Variants in FHIT observed in about 807,000 individuals in gnomAD.
The protein encoded by FHIT is fragile histidine triad diadenosine triphosphatase.
A neutral mutation model predicts 17.9 loss-of-function variants in FHIT; 19 were observed. The ratio of observed to expected loss-of-function variants is 1.06; its 90% CI spans 0.74 to 1.56. The LOEUF is 1.56. FHIT is among the 40% of genes most tolerant of loss of function. FHIT has a pLI of 0.00. For synonymous variants in FHIT, 81 were observed against 69.7 expected, an observed-to-expected ratio of 1.16 and a Z score of -0.81; for missense variants, 248 against 189.2, an observed-to-expected ratio of 1.31 and a Z score of -1.82.
chr3:61,209,527 T>A (rs555889863), intron 1 of FHIT, among the ~76,000 whole-genome samples: 9 of 152,022 alleles, frequency 5.9e-5, no homozygotes, highest in South Asian at 2.1e-4. Flanking sequence ...TTTTTATTAT[T>A]TTTTTTCTAA....
intron 5 of FHIT, among the ~76,000 whole-genome samples, chr3:60,112,004 C>T (rs373008141): frequency 1.6e-4 from 24 of 152,222 alleles, no homozygotes; most frequent in African/African-American, 5.1e-4. Flanking sequence ...CCAACTAAAA[C>T]GGGCATAAAC....
intron 4 of FHIT, among the ~76,000 whole-genome samples, chr3:60,559,428 A>G (rs942400218): frequency 2.0e-5 from 3 of 152,284 alleles, no homozygotes; most frequent in African/African-American, 2.4e-5. Flanking sequence ...TAAATTCCCT[A>G]AAGATATTTT....
At chr3:60,912,093 T>C (rs1174801498) in intron 3 of FHIT, among the ~76,000 whole-genome samples, 1 of 151,898 alleles carries the variant, frequency 6.6e-6, no homozygotes, top group Admixed American at 6.6e-5. Flanking sequence ...ATATTTCAGG[T>C]ACCTCTGTCA....
chr3:60,228,063 A>G (rs1704301467), intron 5 of FHIT, among the ~76,000 whole-genome samples: 2 of 152,164 alleles, frequency 1.3e-5, no homozygotes, highest in South Asian at 4.1e-4. Context: ...ATAAACATAA[A>G]AACAGATGAC....
chr3:60,060,353 G>A (rs1013219525), intron 5 of FHIT, among the ~76,000 whole-genome samples: 1 of 152,058 alleles, frequency 6.6e-6, no homozygotes, highest in African/African-American at 2.4e-5. Flanking sequence ...GACTAACTAA[G>A]GATCACTAAA....
intron 2 of FHIT, among the ~76,000 whole-genome samples, chr3:61,189,405 T>G (rs1212068564): frequency 6.6e-6 from 1 of 152,102 alleles, no homozygotes; most frequent in African/African-American, 2.4e-5. Context: ...GAAGGAGAAC[T>G]ACAAACCACT....
intron 3 of FHIT, among the ~76,000 whole-genome samples, chr3:60,861,974 C>G (rs1261928351): frequency 5.4e-5 from 8 of 148,970 alleles, no homozygotes; most frequent in African/African-American, 9.9e-5. Flanking sequence ...GGTTTGATCA[C>G]TTTGGTAACC....
chr3:60,046,025 A>G (rs1269347157), intron 5 of FHIT, among the ~76,000 whole-genome samples: 2 of 152,200 alleles, frequency 1.3e-5, no homozygotes, highest in African/African-American at 4.8e-5. Flanking sequence ...TTTTTCTTCC[A>G]TCACTAATGA....
chr3:60,871,378 G>T (rs1484846765), intron 3 of FHIT, among the ~76,000 whole-genome samples: 2 of 151,876 alleles, frequency 1.3e-5, no homozygotes, highest in Admixed American at 6.6e-5. Context: ...TCCTAATCAG[G>T]CTTTCTACTA....
intron 8 of FHIT, among the ~76,000 whole-genome samples, chr3:59,889,703 T>A (rs978901130): frequency 5.9e-5 from 9 of 152,234 alleles, no homozygotes; most frequent in Non-Finnish European, 1.0e-4. Context: ...GTTTCTTTTT[T>A]ACGTAAGGTC....
At chr3:60,868,509 T>C (rs1429286206) in intron 3 of FHIT, among the ~76,000 whole-genome samples, 5 of 152,116 alleles carry the variant, frequency 3.3e-5, no homozygotes, top group African/African-American at 1.2e-4. Context: ...AAACAACCAA[T>C]AAGAATCAGA....
chr3:60,954,378 T>A (rs1197424449), intron 3 of FHIT, among the ~76,000 whole-genome samples: 1 of 152,194 alleles, frequency 6.6e-6, no homozygotes, highest in Non-Finnish European at 1.5e-5. Flanking sequence ...CATTCATAAA[T>A]GACGAACAAG....
At chr3:59,793,276 G>A (rs192813276) in intron 8 of FHIT, among the ~76,000 whole-genome samples, 20 of 152,288 alleles carry the variant, frequency 1.3e-4, no homozygotes, top group Admixed American at 1.2e-3. Context: ...AAATGCAGTA[G>A]GGAAATTTTC....
intron 5 of FHIT, among the ~76,000 whole-genome samples, chr3:60,027,112 C>CAG (rs1411620238): frequency 3.8e-5 from 3 of 78,792 alleles, no homozygotes; most frequent in African/African-American, 1.6e-4. Context: ...CACACAGACA[C>CAG]ACACACACAC....
chr3:61,172,911 A>C (rs2038048623), intron 2 of FHIT, among the ~76,000 whole-genome samples: 1 of 152,146 alleles, frequency 6.6e-6, no homozygotes. Context: ...AATGGCCAGC[A>C]GGGGCAGGCA....
At chr3:60,025,407 C>G (rs1700703486) in intron 5 of FHIT, among the ~76,000 whole-genome samples, 1 of 152,242 alleles carries the variant, frequency 6.6e-6, no homozygotes, top group South Asian at 2.1e-4. Context: ...GATTAGTCCC[C>G]AAGAGAATGA....
At chr3:60,281,374 T>C (rs1043914531) in intron 5 of FHIT, among the ~76,000 whole-genome samples, 3 of 152,126 alleles carry the variant, frequency 2.0e-5, no homozygotes, top group Non-Finnish European at 4.4e-5. Context: ...AGATCCAGAA[T>C]AGCCAATAAA....
chr3:59,797,484 G>A (rs1469074021), intron 8 of FHIT, among the ~76,000 whole-genome samples: 1 of 152,128 alleles, frequency 6.6e-6, no homozygotes, highest in African/African-American at 2.4e-5. Context: ...ACTGTGCCTG[G>A]TCTTAACAAA....
At chr3:60,615,375 C>T (rs1401338567) in intron 4 of FHIT, among the ~76,000 whole-genome samples, 4 of 152,136 alleles carry the variant, frequency 2.6e-5, no homozygotes, top group African/African-American at 7.2e-5. Context: ...AACGTGATTC[C>T]GTGGGCTGAA....
Sources: allele counts gnomAD v4.1 joint callset (sites outside exome capture counted in the v4.1 genomes callset), GRCh38; gene constraint gnomAD v4.1.1; transcripts MANE v1.5; gene names NCBI Gene and HGNC (gene_info 2026-07-23, HGNC 2026-07-21).